The following RAP1A variants were observed in gnomAD, a reference collection of about 807,000 sequenced individuals.
RAP1A encodes the protein ras-related protein Rap-1A.
Under a neutral mutation model 26.4 loss-of-function variants are expected in RAP1A, and 6 were observed. That is an observed-to-expected ratio of 0.23 (90% CI 0.12 to 0.45). The LOEUF (loss-of-function observed/expected upper bound fraction) is 0.45, where lower values mean the gene tolerates loss of function less well. Among genes scored for constraint, RAP1A ranks in the 20% least tolerant of loss-of-function variants. The probability of loss-of-function intolerance (pLI) is 0.99; values close to 1 mark genes in which losing one functional copy is unlikely to be tolerated. For synonymous variants in RAP1A, 73 were observed against 79.4 expected (o/e 0.92, Z 0.43); for missense variants, 121 against 217.2 (o/e 0.56, Z 2.78).
intron 4 of RAP1A, among the ~76,000 whole-genome samples, chr1:111,698,374 T>C (rs1319369845): frequency 6.6e-6 from 1 of 152,140 alleles, no homozygotes. Flanking sequence ...GCTCAAACAG[T>C]CTTCCTGCCT....
At chr1:111,628,453 A>G (rs1230832086) in intron 1 of RAP1A, among the ~76,000 whole-genome samples, 1 of 152,112 alleles carries the variant, frequency 6.6e-6, no homozygotes, top group Non-Finnish European at 1.5e-5. Context: ...GATAAGGGAG[A>G]ATTATGGAGA....
chr1:111,593,730 C>A (rs1658513585), intron 1 of RAP1A, among the ~76,000 whole-genome samples: 3 of 121,844 alleles, frequency 2.5e-5, no homozygotes, highest in African/African-American at 9.5e-5. Context: ...TGGAACAAGA[C>A]AAATGGTCTG....
intron 4 of RAP1A, among the ~76,000 whole-genome samples, chr1:111,699,803 C>A (rs766885939): frequency 6.6e-6 from 1 of 151,992 alleles, no homozygotes; most frequent in Non-Finnish European, 1.5e-5. Flanking sequence ...AACTTCGTTA[C>A]AACCTGTAGT....
chr1:111,552,306 C>T (rs1244702617), intron 1 of RAP1A, among the ~76,000 whole-genome samples: 1 of 152,184 alleles, frequency 6.6e-6, no homozygotes, highest in Non-Finnish European at 1.5e-5. Context: ...AAGTGGCTAT[C>T]TGCCACTGAG....
chr1:111,585,616 C>T (rs1316220838), intron 1 of RAP1A, among the ~76,000 whole-genome samples: 1 of 152,140 alleles, frequency 6.6e-6, no homozygotes, highest in East Asian at 1.9e-4. Flanking sequence ...AAATAAATTT[C>T]CTCTGCCTCA....
chr1:111,609,466 T>C (rs774165842), intron 1 of RAP1A, among the ~76,000 whole-genome samples: 4 of 152,220 alleles, frequency 2.6e-5, no homozygotes, highest in Non-Finnish European at 5.9e-5. Context: ...TCTTAACCCT[T>C]TGGTTACAGA....
chr1:111,619,149 C>G (rs1400571542), upstream of RAP1A, among the ~76,000 whole-genome samples: 1 of 152,160 alleles, frequency 6.6e-6, no homozygotes, highest in Non-Finnish European at 1.5e-5. Context: ...GCAGGCGTAT[C>G]CCCACCTCTG....
chr1:111,697,166 A>G (rs1324710246), intron 3 of RAP1A, among the ~76,000 whole-genome samples: 1 of 152,138 alleles, frequency 6.6e-6, no homozygotes. Flanking sequence ...TCAAAATATG[A>G]CTTTTGCCTT....
At chr1:111,557,117 G>C (rs1391573598) in intron 1 of RAP1A, among the ~76,000 whole-genome samples, 1 of 151,890 alleles carries the variant, frequency 6.6e-6, no homozygotes, top group African/African-American at 2.4e-5. Context: ...TAGTTAGAAA[G>C]ATATTACCTA....
At chr1:111,633,066 C>T (rs919749250) in intron 1 of RAP1A, among the ~76,000 whole-genome samples, 1 of 152,024 alleles carries the variant, frequency 6.6e-6, no homozygotes. Flanking sequence ...GGACAATAAA[C>T]CTAGATCGAA....
intron 1 of RAP1A, among the ~76,000 whole-genome samples, chr1:111,656,488 T>C (rs1422358291): frequency 6.6e-6 from 1 of 152,178 alleles, no homozygotes; most frequent in Non-Finnish European, 1.5e-5. Flanking sequence ...CTCAAAAAAA[T>C]TGTCCATAAT....
chr1:111,692,029 A>G (rs1040782846), intron 2 of RAP1A, among the ~76,000 whole-genome samples: 1 of 152,206 alleles, frequency 6.6e-6, no homozygotes, highest in African/African-American at 2.4e-5. Context: ...GTGGGAGACA[A>G]ATTGGGAGTT....
At chr1:111,668,600 C>T (rs911223335) in intron 1 of RAP1A, among the ~76,000 whole-genome samples, 3 of 152,108 alleles carry the variant, frequency 2.0e-5, no homozygotes, top group Non-Finnish European at 2.9e-5. Context: ...GTAGTAGAAC[C>T]AGGATTCTAG....
chr1:111,595,820 C>T (rs189787752), intron 1 of RAP1A, among the ~76,000 whole-genome samples: 2 of 151,968 alleles, frequency 1.3e-5, no homozygotes, highest in Non-Finnish European at 2.9e-5. Flanking sequence ...TTTTCAAGGG[C>T]AAGTCCTGTT....
chr1:111,542,887 G>A (rs1182116920), intron 1 of RAP1A, among the ~76,000 whole-genome samples: 2 of 151,970 alleles, frequency 1.3e-5, no homozygotes, highest in African/African-American at 2.4e-5. Context: ...AATAGAGATG[G>A]GGTTTCACCA....
rs369445431 is a variant in RAP1A, at chr1:111,603,518, A to G, written c.-28+61009A>G. ...GGTAGGATGTTCTGGGGTGCACTGA[A>G]GATTCAACAGAATGTTCCTTTAGCT... On this transcript the variant is annotated intron_variant, in intron 1 of 7. Transcript: ENST00000356415. Among the ~76,000 whole-genome samples the G allele has an allele frequency of 4.2e-4, 64 of 152,350 alleles. No individual in the cohort carries two copies. In the South Asian group the frequency reaches 0.012, roughly 30 times the overall value.
At chr1:111,710,136 G>A (rs1662331361) in intron 7 of RAP1A, among the ~76,000 whole-genome samples, 1 of 150,816 alleles carries the variant, frequency 6.6e-6, no homozygotes, top group Admixed American at 6.6e-5. Flanking sequence ...CCCCAAAATT[G>A]ATATTGTCAG....
At chr1:111,694,282 A>G (rs1661764105) in intron 2 of RAP1A, among the ~76,000 whole-genome samples, 1 of 152,212 alleles carries the variant, frequency 6.6e-6, no homozygotes, top group Non-Finnish European at 1.5e-5. Flanking sequence ...TGGTGTGATT[A>G]TATCTTGAGT....
chr1:111,603,320 T>G (rs1658706563), intron 1 of RAP1A, among the ~76,000 whole-genome samples: 1 of 152,220 alleles, frequency 6.6e-6, no homozygotes, highest in East Asian at 1.9e-4. Context: ...CTTCCATGCC[T>G]CAGTTGCCCA....
Sources: gnomAD v4.1 joint callset for allele counts (sites outside exome capture counted in the v4.1 genomes callset) on GRCh38, gnomAD v4.1.1 for gene constraint, MANE v1.5 for transcripts, NCBI Gene and HGNC (gene_info 2026-07-23, HGNC 2026-07-21) for gene names.